Variants in PALS2 observed in about 807,000 individuals in gnomAD.
The protein encoded by PALS2 is protein PALS2.
PALS2 carries 27 observed loss-of-function variants against 61.6 expected under a neutral mutation model. The observed-to-expected ratio is 0.44, with a 90% CI of 0.32 to 0.60. The LOEUF (loss-of-function observed/expected upper bound fraction) is 0.60. Among genes scored for constraint, PALS2 ranks in the 20% least tolerant of loss-of-function variants. The probability of loss-of-function intolerance (pLI) is 0.05; values close to 1 mark genes in which losing one functional copy is unlikely to be tolerated. For synonymous variants in PALS2, 236 were observed against 218.6 expected, an observed-to-expected ratio of 1.08 and a Z score of -0.70; for missense variants, 554 against 639.4, an observed-to-expected ratio of 0.87 and a Z score of 1.44.
At chr7:24,672,738 G>A (rs1787363625) in intron 9 of PALS2, among the ~76,000 whole-genome samples, 1 of 151,866 alleles carries the variant, frequency 6.6e-6, no homozygotes, top group Non-Finnish European at 1.5e-5. Flanking sequence ...ACTGATTTTT[G>A]TGTGTTGGCT....
rs113489360 is a variant in PALS2 at position 24,672,560 on chromosome 7, C to A, written c.1114+3900C>A. ...CCAGTCTATGAGCATAGATGTCTCT[C>A]TGTTTATTTAGGTTTTCATTTTAAT... On this transcript the variant is annotated intron_variant, in intron 9 of 11. Transcript: ENST00000222644. Among the ~76,000 whole-genome samples, 1,136 of 152,236 alleles carry A rather than the reference C, an allele frequency of 7.5e-3. 8 individuals are homozygous for A. The highest frequency in any genetic ancestry group is 0.025 in the African/African-American group (1,058 of 41,556).
At chr7:24,638,292 C>T in intron 2 of PALS2, among the ~76,000 whole-genome samples, 1 of 143,610 alleles carries the variant, frequency 7.0e-6, no homozygotes, top group Admixed American at 7.0e-5. Context: ...CTAAAAAAAC[C>T]TTTTTTTCTC....
chr7:24,598,658 G>C (rs550265973), intron 1 of PALS2, among the ~76,000 whole-genome samples: 1 of 152,116 alleles, frequency 6.6e-6, no homozygotes, highest in African/African-American at 2.4e-5. Flanking sequence ...TTTGGAATTC[G>C]CAAATTTCTG....
At chr7:24,648,583 C>T (rs534386726) in intron 3 of PALS2, among the ~76,000 whole-genome samples, 31 of 151,874 alleles carry the variant, frequency 2.0e-4, no homozygotes, top group African/African-American at 6.8e-4. Flanking sequence ...CATGAGCCAC[C>T]GCGCCTGCCC....
intron 1 of PALS2, chr7:24,574,239 C>CG (rs1451928070): frequency 6.6e-6 from 1 of 152,210 alleles, no homozygotes; most frequent in Non-Finnish European, 1.5e-5. Context: ...CAGGCTGCCG[C>CG]GGGGGCGTTC....
At chr7:24,662,423 T>C (rs1197476397) in intron 5 of PALS2, among the ~76,000 whole-genome samples, 3 of 152,174 alleles carry the variant, frequency 2.0e-5, no homozygotes, top group African/African-American at 7.2e-5. Context: ...GGCAATTCTT[T>C]AGAAGATAAC....
intron 2 of PALS2, among the ~76,000 whole-genome samples, chr7:24,624,605 C>CTTTTTTTTTTTTTTT (rs368160704): frequency 1.2e-5 from 1 of 86,400 alleles, no homozygotes; most frequent in African/African-American, 6.5e-5. Context: ...GCAGATTCTT[C>CTTTTTTTTTTTTTTT]TTTTTTTTTT....
chr7:24,599,866 T>G (rs1400352719), intron 1 of PALS2, among the ~76,000 whole-genome samples: 2 of 152,084 alleles, frequency 1.3e-5, no homozygotes, highest in East Asian at 3.9e-4. Flanking sequence ...AAAACTAAGA[T>G]GCAAACACAT....
chr7:24,673,262 T>C (rs1287195978), intron 9 of PALS2, among the ~76,000 whole-genome samples: 1 of 152,212 alleles, frequency 6.6e-6, no homozygotes. Flanking sequence ...CATTTGGTTA[T>C]GATGTGCCGT....
At chr7:24,623,853 A>G (rs1332726957) in intron 2 of PALS2, 69 bp downstream of exon 2, 7 of 1,215,234 alleles carry the variant, frequency 5.8e-6, no homozygotes, top group Non-Finnish European at 7.0e-6. Flanking sequence ...ATTTTCAGAT[A>G]TTACTATTTT....
chr7:24,582,567 T>C (rs1241439289), intron 1 of PALS2, among the ~76,000 whole-genome samples: 2 of 152,144 alleles, frequency 1.3e-5, no homozygotes, highest in African/African-American at 4.8e-5. Context: ...CTGTAATAAA[T>C]ATTATTTGAA....
At chr7:24,677,812 C>G (rs1787698937) in intron 9 of PALS2, among the ~76,000 whole-genome samples, 1 of 152,184 alleles carries the variant, frequency 6.6e-6, no homozygotes, top group Non-Finnish European at 1.5e-5. Flanking sequence ...TCACAGTAGT[C>G]TAAGACGACC....
At chr7:24,599,084 T>C (rs1026501518) in intron 1 of PALS2, among the ~76,000 whole-genome samples, 5 of 152,156 alleles carry the variant, frequency 3.3e-5, no homozygotes, top group African/African-American at 1.2e-4. Flanking sequence ...AAATGCATCA[T>C]TGGGCGATTT....
At position 24,585,386 on chromosome 7, in the gene PALS2, G is replaced by A. The variant is rs555314497; in HGVS notation, c.-3+11793G>A. ...CTTGAAGAGGTCCTTCACATCCCTTGTAAGTTGGATTCCTAGGTATATTCA... is the reference window on the plus strand; with the variant it reads ...CTTGAAGAGGTCCTTCACATCCCTTATAAGTTGGATTCCTAGGTATATTCA... On this transcript the variant is annotated intron_variant, in intron 1 of 11. Coordinates refer to ENST00000222644, the MANE Select transcript of PALS2 (RefSeq NM_001303037.2). 4.6e-5 allele frequency among the ~76,000 whole-genome samples: 7 copies of A among 152,110 alleles called. No homozygotes were observed. The East Asian group carries it at 1.4e-3, about 29-fold the overall frequency.
In PALS2 at chr7:24,650,656, G is replaced by A. The variant is rs1458003955; in HGVS notation, c.595G>A (p.Gly199Arg). ...ELQELLKNIS[G>R]SVTLKILPSY... ...ACAAGAATTACTGAAAAATATTAGT[G>A]GAAGTGTCACCCTAAAAATCTTACC... The change falls in exon 5 of 12, where the codon GGA (glycine) becomes AGA (arginine). Residue 199 changes from glycine to arginine, a missense_variant. Coordinates refer to ENST00000222644, the MANE Select transcript of PALS2 (RefSeq NM_001303037.2). The A allele has an allele frequency of 1.2e-6, 2 of 1,611,692 alleles. No individual in the cohort carries two copies. Among genetic ancestry groups the A allele is most frequent in the Non-Finnish European group, 1.7e-6 (2 of 1,178,264 alleles).
At chr7:24,668,430 C>T in intron 8 of PALS2, 69 bp from the exon 9 acceptor site, 1 of 1,407,054 alleles carries the variant, frequency 7.1e-7, no homozygotes, top group Non-Finnish European at 9.7e-7. Context: ...CATTACTAGA[C>T]AGAATTGCAG....
Position 24,690,394 on chromosome 7 carries a change from G to C in PALS2, c.*2780G>C, listed in dbSNP as rs1388504569. On this transcript the variant is annotated 3_prime_UTR_variant, in exon 12 of 12. Transcript: ENST00000222644. Reference sequence around the variant, plus strand: ...ATGGAAGCGAAAATGGTTTAGAGTGGTGTTGAGCAATTGTTAAGAGTTGAA... The same window carrying C: ...ATGGAAGCGAAAATGGTTTAGAGTGCTGTTGAGCAATTGTTAAGAGTTGAA... 1 of 152,196 alleles carries C rather than the reference G, an allele frequency of 6.6e-6. No homozygotes were observed. Among genetic ancestry groups the C allele is most frequent in the Non-Finnish European group, 1.5e-5 (1 of 68,036 alleles). 9.4% of individuals were successfully genotyped at this position (152,196 alleles called of 1,614,324 possible).
intron 11 of PALS2, among the ~76,000 whole-genome samples, chr7:24,685,850 C>A (rs1401917501): frequency 6.6e-6 from 1 of 152,116 alleles, no homozygotes; most frequent in Non-Finnish European, 1.5e-5. Context: ...TCTACACTTT[C>A]TACACAAATG....
At chr7:24,621,177 A>G (rs903263041) in intron 1 of PALS2, among the ~76,000 whole-genome samples, 4 of 152,000 alleles carry the variant, frequency 2.6e-5, no homozygotes, top group African/African-American at 9.7e-5. Context: ...ATGTTAATCC[A>G]ATACTTGTTT....
Sources: allele counts gnomAD v4.1 joint callset (sites outside exome capture counted in the v4.1 genomes callset), GRCh38; gene constraint gnomAD v4.1.1; transcripts MANE v1.5; gene names NCBI Gene and HGNC (gene_info 2026-07-23, HGNC 2026-07-21).